MACROD2: variants seen among roughly 807,000 people sequenced by gnomAD.
MACROD2 encodes the protein mono-ADP ribosylhydrolase 2.
A neutral mutation model predicts 70.4 loss-of-function variants in MACROD2; 36 were observed. That is an observed-to-expected ratio of 0.51 (90% CI 0.39 to 0.68). The LOEUF is 0.68. Ranked by LOEUF, MACROD2 falls within the 30% of genes least tolerant of loss-of-function variation. The pLI, the probability that MACROD2 is intolerant of heterozygous loss-of-function variation, is 0.00. For missense variants in MACROD2, 496 were observed against 538.4 expected (o/e 0.92, Z 0.78); for synonymous variants, 172 against 178.8 (o/e 0.96, Z 0.30).
At chr20:14,990,606 C>G (rs2074894163) in intron 5 of MACROD2, among the ~76,000 whole-genome samples, 2 of 150,350 alleles carry the variant, frequency 1.3e-5, no homozygotes, top group Admixed American at 1.3e-4. Context: ...CTCTGCCTCT[C>G]AGGTTGAAGC....
At chr20:15,049,601 C>T (rs979077115) in intron 5 of MACROD2, among the ~76,000 whole-genome samples, 6 of 151,916 alleles carry the variant, frequency 3.9e-5, no homozygotes, top group Non-Finnish European at 7.4e-5. Context: ...AGTGTGCTAC[C>T]CTCTAAGATA....
chr20:15,669,519 T>C (rs1042455242), intron 8 of MACROD2, among the ~76,000 whole-genome samples: 3 of 152,192 alleles, frequency 2.0e-5, no homozygotes. Flanking sequence ...CCCCAACTCC[T>C]GCTCCCTGAT....
intron 5 of MACROD2, among the ~76,000 whole-genome samples, chr20:15,179,964 G>A (rs2076489013): frequency 6.6e-6 from 1 of 152,178 alleles, no homozygotes; most frequent in Admixed American, 6.5e-5. Context: ...AGTGTTGGCA[G>A]GTTTGGCTTC....
At chr20:15,591,404 AACCGGTCAAC>A (rs2048677901) in intron 8 of MACROD2, among the ~76,000 whole-genome samples, 1 of 151,902 alleles carries the variant, frequency 6.6e-6, no homozygotes, top group South Asian at 2.1e-4. Context: ...ACTGGTAACC[AACCGGTCAAC>A]ACCAACATGA....
chr20:15,937,759 A>G (rs957310130), intron 12 of MACROD2, among the ~76,000 whole-genome samples: 1 of 151,518 alleles, frequency 6.6e-6, no homozygotes, highest in African/African-American at 2.4e-5. Flanking sequence ...GTGTGTATAT[A>G]TGTATATATA....
chr20:14,167,761 T>G (rs1443730684), intron 3 of MACROD2, among the ~76,000 whole-genome samples: 2 of 152,212 alleles, frequency 1.3e-5, no homozygotes, highest in Non-Finnish European at 2.9e-5. Context: ...AAGCTTTTAT[T>G]GAGTTATATC....
chr20:14,045,902 A>G (rs2053466594), intron 2 of MACROD2, among the ~76,000 whole-genome samples: 1 of 152,224 alleles, frequency 6.6e-6, no homozygotes, highest in South Asian at 2.1e-4. Context: ...TAAATGGGTT[A>G]AGTAGATTGA....
At chr20:15,914,319 G>T (rs2065280240) in intron 10 of MACROD2, among the ~76,000 whole-genome samples, 2 of 152,148 alleles carry the variant, frequency 1.3e-5, no homozygotes, top group Admixed American at 6.5e-5. Flanking sequence ...GTCATTTCAG[G>T]CCAGTGCTGA....
chr20:15,387,356 A>C (rs1018169758), intron 6 of MACROD2, among the ~76,000 whole-genome samples: 12 of 122,162 alleles, frequency 9.8e-5, no homozygotes, highest in East Asian at 2.9e-4. Flanking sequence ...CTCTGCTTCT[A>C]TTCCTCTCCC....
intron 3 of MACROD2, among the ~76,000 whole-genome samples, chr20:14,308,228 C>G (rs1165100276): frequency 6.6e-6 from 1 of 152,132 alleles, no homozygotes; most frequent in Admixed American, 6.6e-5. Flanking sequence ...TTTATAAACC[C>G]AAGCAAACAG....
intron 3 of MACROD2, among the ~76,000 whole-genome samples, chr20:14,293,010 A>G (rs1480884430): frequency 1.3e-5 from 2 of 151,904 alleles, no homozygotes; most frequent in Non-Finnish European, 1.5e-5. Context: ...CACTAGGCTA[A>G]GCAGTGGGGA....
chr20:15,767,815 T>C (rs2051552052), intron 8 of MACROD2, among the ~76,000 whole-genome samples: 1 of 152,242 alleles, frequency 6.6e-6, no homozygotes, highest in Admixed American at 6.5e-5. Context: ...TCTGTTTCAC[T>C]ACATAAAGTT....
chr20:15,325,109 C>A (rs1056060903), intron 6 of MACROD2, among the ~76,000 whole-genome samples: 2 of 151,890 alleles, frequency 1.3e-5, no homozygotes, highest in Non-Finnish European at 2.9e-5. Flanking sequence ...GTATCCTCAC[C>A]ACCTGACAAT....
At chr20:14,862,600 AATATAAATAT>A (rs1468697574) in intron 5 of MACROD2, among the ~76,000 whole-genome samples, 1,207 of 29,046 alleles carry the variant, frequency 0.042, 140 homozygotes, top group Middle Eastern at 0.052. Context: ...TATATATATA[AATATAAATAT>A]ATATAAATAT....
At chr20:15,835,266 T>C (rs1182303733) in intron 8 of MACROD2, among the ~76,000 whole-genome samples, 2 of 131,478 alleles carry the variant, frequency 1.5e-5, no homozygotes, top group Non-Finnish European at 3.3e-5. Context: ...ATTAATTCAG[T>C]AATTACTTAT....
intron 4 of MACROD2, among the ~76,000 whole-genome samples, chr20:14,526,145 C>T (rs1012382041): frequency 2.4e-4 from 36 of 152,168 alleles, no homozygotes; most frequent in African/African-American, 4.8e-5. Context: ...ATGACTCTGA[C>T]ATCAGTATTT....
intron 4 of MACROD2, among the ~76,000 whole-genome samples, chr20:14,609,002 CA>C (rs1044995348): frequency 6.6e-6 from 1 of 152,040 alleles, no homozygotes; most frequent in Admixed American, 6.6e-5. Flanking sequence ...AATTGAAGGA[CA>C]GGGGAACTTG....
chr20:15,667,495 CTATG>C (rs145777330), intron 8 of MACROD2, among the ~76,000 whole-genome samples: 512 of 127,434 alleles, frequency 4.0e-3, no homozygotes, highest in Middle Eastern at 7.9e-3. Context: ...ATGTATCTAT[CTATG>C]TATCTATCTA....
chr20:15,961,674 C>A (rs2066064064), intron 12 of MACROD2, among the ~76,000 whole-genome samples: 1 of 152,194 alleles, frequency 6.6e-6, no homozygotes, highest in South Asian at 2.1e-4. Flanking sequence ...AATACAGTCA[C>A]CATGACCTTT....
Sources: allele counts gnomAD v4.1 joint callset (sites outside exome capture counted in the v4.1 genomes callset), GRCh38; gene constraint gnomAD v4.1.1; transcripts MANE v1.5; gene names NCBI Gene and HGNC (gene_info 2026-07-23, HGNC 2026-07-21).